The following TMEM181 variants were observed in gnomAD, a reference collection of about 807,000 sequenced individuals.
TMEM181 encodes transmembrane protein 181, also known as G protein-coupled receptor 178.
A neutral mutation model predicts 71.9 loss-of-function variants in TMEM181; 39 were observed. The ratio of observed to expected loss-of-function variants is 0.54; its 90% confidence interval spans 0.42 to 0.71. TMEM181 has a LOEUF of 0.71. TMEM181 is among the 30% of genes least tolerant of loss of function. The pLI is 0.00. For missense variants in TMEM181, 595 were observed against 583.0 expected, an observed-to-expected ratio of 1.02 and a Z score of -0.21; for synonymous variants, 245 against 228.8, an observed-to-expected ratio of 1.07 and a Z score of -0.64.
rs1011631611 is a variant in TMEM181 at position 158,634,562 on chromosome 6, T to G, written c.*2674T>G. On this transcript the variant is annotated 3_prime_UTR_variant, in exon 17 of 17. Transcript: ENST00000684151. ...TTCAGTTTCCCTAGGGAGAGCTTCG[T>G]TATCCATGTGGATGATAAGTCTGCT... 6.6e-6 allele frequency: 1 copy of G among 152,208 alleles called. No homozygotes were observed. Among genetic ancestry groups the G allele is most frequent in the African/African-American group, 2.4e-5 (1 of 41,458 alleles). The allele number at this position is 152,208 out of a possible 1,614,324, so 9.4% of individuals were successfully genotyped here.
At chr6:158,570,349 CG>C (rs1467925879) in intron 1 of TMEM181, among the ~76,000 whole-genome samples, 1 of 151,448 alleles carries the variant, frequency 6.6e-6, no homozygotes, top group Non-Finnish European at 1.5e-5. Flanking sequence ...TCTCCTGCCT[CG>C]GCCTCCCGAG....
intron 10 of TMEM181, among the ~76,000 whole-genome samples, chr6:158,616,507 A>G (rs1785622186): frequency 6.6e-6 from 1 of 152,222 alleles, no homozygotes; most frequent in Non-Finnish European, 1.5e-5. Context: ...CCGGGCCAGA[A>G]CTTCCAATAC....
intron 1 of TMEM181, among the ~76,000 whole-genome samples, chr6:158,561,813 G>A (rs1360087298): frequency 2.6e-5 from 4 of 152,138 alleles, no homozygotes; most frequent in African/African-American, 4.8e-5. Flanking sequence ...AGGGAAGACG[G>A]AGGGGGATGA....
intron 6 of TMEM181, 38 bp downstream of exon 6, chr6:158,589,820 T>A (rs780928724): frequency 2.2e-6 from 3 of 1,383,264 alleles, no homozygotes; most frequent in Non-Finnish European, 3.1e-6. Flanking sequence ...CCATGGCTCA[T>A]GTTCTAGTTC....
intron 1 of TMEM181, among the ~76,000 whole-genome samples, chr6:158,538,098 C>G (rs755781866): frequency 6.6e-6 from 1 of 151,600 alleles, no homozygotes; most frequent in African/African-American, 2.4e-5. Context: ...AAGATTATTT[C>G]CAATCTCCTT....
rs201280717 is a variant in TMEM181, at chr6:158,590,139, C to A, written c.492+357C>A. Among the ~76,000 whole-genome samples, 6 of 152,180 alleles carry A rather than the reference C, an allele frequency of 3.9e-5. No homozygotes were observed. In the East Asian group the frequency reaches 9.7e-4, roughly 25 times the overall value. ...TGCCGGTGAGTGGGAGGGCACTGTT[C>A]TAATTGTTAGACTGTCCTTTCTTGT... On this transcript the variant is annotated intron_variant, in intron 6 of 16. Coordinates refer to ENST00000684151, the MANE Select transcript of TMEM181 (RefSeq NM_001376852.1).
At chr6:158,584,418 G>A (rs886400679) in intron 4 of TMEM181, among the ~76,000 whole-genome samples, 1 of 152,210 alleles carries the variant, frequency 6.6e-6, no homozygotes, top group Middle Eastern at 3.2e-3. Flanking sequence ...CACACGGAGA[G>A]GAGGAGGGAG....
At chr6:158,563,828 C>A (rs980791979) in intron 1 of TMEM181, among the ~76,000 whole-genome samples, 2 of 152,168 alleles carry the variant, frequency 1.3e-5, no homozygotes, top group African/African-American at 4.8e-5. Context: ...GTTGCTCAGG[C>A]TGGAGTGCAA....
Position 158,566,227 on chromosome 6 carries a change from C to T in TMEM181, c.8+5995C>T, listed in dbSNP as rs115285496. ...GGTACCTGCTTGATAGCCAAACGGG[C>T]ATGCCAAGTGGTTGAGTAGGGGTCT... On this transcript the variant is annotated intron_variant, in intron 1 of 16. Transcript: ENST00000684151. Among the ~76,000 whole-genome samples the T allele has an allele frequency of 3.1e-3, 468 of 152,060 alleles. 1 individual carries two copies. Among genetic ancestry groups the T allele is most frequent in the African/African-American group, 0.011 (442 of 41,450 alleles).
Position 158,608,649 on chromosome 6 carries a change from T to C in TMEM181, c.805-10T>C. 6 of 1,599,550 alleles carry C rather than the reference T, an allele frequency of 3.8e-6. No individual in the cohort carries two copies. The highest frequency in any genetic ancestry group is 5.1e-6 in the Non-Finnish European group (6 of 1,176,284). On this transcript the variant is annotated splice_polypyrimidine_tract_variant and intron_variant, in intron 9 of 16. Coordinates refer to ENST00000684151, the MANE Select transcript of TMEM181 (RefSeq NM_001376852.1). ...TCTTTATTTCTTACTTCTTATTTTTTTCTTTTTAGGGAGAAAGAAAGTGTT... is the reference window on the plus strand; with the variant it reads ...TCTTTATTTCTTACTTCTTATTTTTCTCTTTTTAGGGAGAAAGAAAGTGTT...
intron 7 of TMEM181, among the ~76,000 whole-genome samples, chr6:158,606,171 G>A (rs556784797): frequency 7.3e-5 from 11 of 151,430 alleles, no homozygotes; most frequent in East Asian, 2.0e-4. Context: ...GGGCGTGGGC[G>A]CTAGAGCCAC....
At chr6:158,586,966 A>T (rs1214880980) in intron 5 of TMEM181, among the ~76,000 whole-genome samples, 1 of 152,132 alleles carries the variant, frequency 6.6e-6, no homozygotes, top group Non-Finnish European at 1.5e-5. Flanking sequence ...AACAGGTGTG[A>T]GTGTCAGACA....
chr6:158,560,409 CGGGGCGA>C (rs1474165736), intron 1 of TMEM181, among the ~76,000 whole-genome samples, 177 bp downstream of exon 1: 11 of 151,960 alleles, frequency 7.2e-5, no homozygotes, highest in Non-Finnish European at 8.8e-5. Flanking sequence ...GGTGTTTGCG[CGGGGCGA>C]GAGTAGACCG....
chr6:158,556,251 C>T (rs895219368), upstream of TMEM181, among the ~76,000 whole-genome samples: 2 of 152,172 alleles, frequency 1.3e-5, no homozygotes, highest in East Asian at 3.8e-4. Flanking sequence ...TCGCCTTGGC[C>T]AAAAAGGCAA....
intron 7 of TMEM181, among the ~76,000 whole-genome samples, chr6:158,605,862 C>G (rs1023933800): frequency 5.8e-5 from 5 of 86,678 alleles, no homozygotes; most frequent in African/African-American, 3.3e-4. Context: ...CTGAGAAGCC[C>G]AAGGGAGCCC....
At chr6:158,616,855 A>C (rs1785644673) in intron 10 of TMEM181, among the ~76,000 whole-genome samples, 1 of 152,190 alleles carries the variant, frequency 6.6e-6, no homozygotes, top group African/African-American at 2.4e-5. Flanking sequence ...GTGGTGGATA[A>C]GCTTTTTGAT....
chr6:158,580,227 G>C (rs1783396979), intron 2 of TMEM181, among the ~76,000 whole-genome samples: 2 of 152,194 alleles, frequency 1.3e-5, no homozygotes, highest in Non-Finnish European at 2.9e-5. Flanking sequence ...TTACTCGGGA[G>C]GCTGAGGCAG....
At chr6:158,610,901 C>A in intron 10 of TMEM181, 1 of 404,228 alleles carries the variant, frequency 2.5e-6, no homozygotes. Flanking sequence ...AGGAAGAAGG[C>A]TCTGGAATGG....
chr6:158,595,822 G>A (rs35282544), intron 6 of TMEM181, among the ~76,000 whole-genome samples: 21,081 of 152,178 alleles, frequency 0.14, 1,543 homozygotes, highest in Non-Finnish European at 0.15. Flanking sequence ...CTGGGGTGCT[G>A]GTGATGTTCT....
Sources: gnomAD v4.1 joint callset for allele counts (sites outside exome capture counted in the v4.1 genomes callset) on GRCh38, gnomAD v4.1.1 for gene constraint, MANE v1.5 for transcripts, NCBI Gene and HGNC (gene_info 2026-07-23, HGNC 2026-07-21) for gene names.